Variants in ATRNL1 observed in about 807,000 individuals in gnomAD.
ATRNL1 encodes attractin-like protein 1.
Under a neutral mutation model 182.7 loss-of-function variants are expected in ATRNL1, and 95 were observed. The ratio of observed to expected loss-of-function variants is 0.52; its 90% confidence interval spans 0.44 to 0.62. The LOEUF (loss-of-function observed/expected upper bound fraction) is 0.62, where lower values mean the gene tolerates loss of function less well. ATRNL1 is among the 20% of genes least tolerant of loss of function. The pLI, the probability that ATRNL1 is intolerant of heterozygous loss-of-function variation, is 0.00. For synonymous variants in ATRNL1, 576 were observed against 568.3 expected (o/e 1.01, Z -0.19); for missense variants, 1,471 against 1,679.5 (o/e 0.88, Z 2.17).
intron 26 of ATRNL1, among the ~76,000 whole-genome samples, chr10:115,665,822 G>A (rs1185732451): frequency 1.3e-5 from 2 of 152,038 alleles, no homozygotes; most frequent in African/African-American, 2.4e-5. Context: ...CCTATGACTA[G>A]GACTCGATTT....
intron 28 of ATRNL1, among the ~76,000 whole-genome samples, chr10:115,881,649 C>T (rs1200376827): frequency 6.6e-6 from 1 of 152,158 alleles, no homozygotes; most frequent in Non-Finnish European, 1.5e-5. Flanking sequence ...CAGAGCCCTG[C>T]CATATGCTGG....
chr10:115,267,718 T>C (rs1449049318), intron 12 of ATRNL1, among the ~76,000 whole-genome samples: 1 of 152,164 alleles, frequency 6.6e-6, no homozygotes, highest in Non-Finnish European at 1.5e-5. Context: ...TAATACACTT[T>C]GTTCAGTAAA....
At chr10:115,356,663 T>C (rs781956667) in intron 19 of ATRNL1, among the ~76,000 whole-genome samples, 2 of 151,922 alleles carry the variant, frequency 1.3e-5, no homozygotes, top group Non-Finnish European at 2.9e-5. Flanking sequence ...AACTTTGCCA[T>C]GGCTTTATCA....
Position 115,253,640 on chromosome 10 carries a change from G to A in ATRNL1, c.1688-11553G>A, listed in dbSNP as rs149680437. Among the ~76,000 whole-genome samples the A allele has an allele frequency of 2.1e-3, 322 of 152,068 alleles. 1 individual carries two copies. The highest frequency in any genetic ancestry group is 7.2e-3 in the African/African-American group (297 of 41,468). On this transcript the variant is annotated intron_variant, in intron 10 of 28. Transcript: ENST00000355044. Reference sequence around the variant, plus strand: ...ATGCTTTAAGTTCTAGGGTACATGCGCATAATGTGCAGGTTTGATACATAG... The same window carrying A: ...ATGCTTTAAGTTCTAGGGTACATGCACATAATGTGCAGGTTTGATACATAG...
At chr10:115,339,211 G>A (rs1592482075) in intron 19 of ATRNL1, among the ~76,000 whole-genome samples, 1 of 152,068 alleles carries the variant, frequency 6.6e-6, no homozygotes, top group East Asian at 1.9e-4. Context: ...GTCTTTTGTG[G>A]TTCCATATAT....
intron 24 of ATRNL1, among the ~76,000 whole-genome samples, chr10:115,513,941 G>A (rs1554983269): frequency 1.3e-5 from 2 of 151,894 alleles, no homozygotes; most frequent in African/African-American, 4.8e-5. Flanking sequence ...TTACTCTTGA[G>A]TGCCATTTAT....
At chr10:115,903,092 C>G (rs1952402300) in intron 28 of ATRNL1, among the ~76,000 whole-genome samples, 1 of 152,140 alleles carries the variant, frequency 6.6e-6, no homozygotes, top group Non-Finnish European at 1.5e-5. Flanking sequence ...TGTACATAAT[C>G]TGACACACAC....
chr10:115,548,152 T>C (rs1176361531), intron 25 of ATRNL1, among the ~76,000 whole-genome samples: 2 of 152,220 alleles, frequency 1.3e-5, no homozygotes, highest in Non-Finnish European at 2.9e-5. Context: ...CTCTGAGGAC[T>C]GGATTCCTCT....
intron 28 of ATRNL1, among the ~76,000 whole-genome samples, chr10:115,863,694 G>A (rs782163676): frequency 9.9e-5 from 15 of 152,178 alleles, no homozygotes; most frequent in Non-Finnish European, 2.9e-5. Context: ...GCTGCCTGCT[G>A]AGAGGTCCTA....
intron 19 of ATRNL1, among the ~76,000 whole-genome samples, chr10:115,368,231 G>T (rs146729339): frequency 1.3e-5 from 2 of 152,296 alleles, no homozygotes. Context: ...CTCGCGGTGC[G>T]CCGTTTTTTA....
chr10:115,323,071 T>G (rs948193712), intron 18 of ATRNL1, among the ~76,000 whole-genome samples: 29 of 152,224 alleles, frequency 1.9e-4, no homozygotes, highest in African/African-American at 5.5e-4. Context: ...TAATTTTTAT[T>G]TTCTTTTCTC....
chr10:115,612,691 T>A (rs1263225654), intron 26 of ATRNL1, among the ~76,000 whole-genome samples: 1 of 152,228 alleles, frequency 6.6e-6, no homozygotes, highest in Non-Finnish European at 1.5e-5. Flanking sequence ...GAAAAGTCCT[T>A]GGCAAAAGTT....
chr10:115,778,208 A>G (rs1418482519), intron 27 of ATRNL1, among the ~76,000 whole-genome samples: 1 of 152,198 alleles, frequency 6.6e-6, no homozygotes, highest in African/African-American at 2.4e-5. Flanking sequence ...GCTGAGGGTT[A>G]CTATGAATGA....
At chr10:115,406,920 T>C (rs1448846737) in intron 20 of ATRNL1, among the ~76,000 whole-genome samples, 1 of 152,150 alleles carries the variant, frequency 6.6e-6, no homozygotes, top group Non-Finnish European at 1.5e-5. Flanking sequence ...TGTTTAAAAA[T>C]TCTTTCTGTT....
Position 115,566,622 on chromosome 10 carries a change from T to C in ATRNL1, c.3795+17086T>C, listed in dbSNP as rs142916035. ...ATATTTTAGGAATCTGAGTGGAGTATGTAAGAAAGCTAAATTATAACCTCT... is the reference window on the plus strand; with the variant it reads ...ATATTTTAGGAATCTGAGTGGAGTACGTAAGAAAGCTAAATTATAACCTCT... On this transcript the variant is annotated intron_variant, in intron 26 of 28. Transcript: ENST00000355044. Among the ~76,000 whole-genome samples, 1,136 of 152,248 alleles carry C rather than the reference T, an allele frequency of 7.5e-3. 4 individuals carry two copies. Among genetic ancestry groups the C allele is most frequent in the Middle Eastern group, 0.017 (5 of 294 alleles).
chr10:115,866,331 C>T (rs1005967729), intron 28 of ATRNL1, among the ~76,000 whole-genome samples: 1 of 152,148 alleles, frequency 6.6e-6, no homozygotes, highest in Non-Finnish European at 1.5e-5. Context: ...TTAGAAAATA[C>T]ATTCAAGTAG....
chr10:115,865,965 T>A (rs1951431965), intron 28 of ATRNL1, among the ~76,000 whole-genome samples: 1 of 152,186 alleles, frequency 6.6e-6, no homozygotes, highest in Non-Finnish European at 1.5e-5. Context: ...GACTTTTAAA[T>A]AGTTTGTGGA....
rs1304923521 is a variant in ATRNL1 at position 115,394,672 on chromosome 10, T to C, written c.3189T>C (p.Ser1063=). Residue 1063 remains serine, a synonymous_variant, in exon 20 of 29, where the codon AGT becomes AGC. Transcript: ENST00000355044. ...NGGQCTACTC[S]GHANICHLHT... ...TTTGACTTACAGCTTGTACATGCAG[T>C]GGCCATGCAAATATCTGTCATCTGC... 6.2e-7 allele frequency: 1 copy of C among 1,611,672 alleles called. No individual in the cohort carries two copies. The highest frequency in any genetic ancestry group is 1.3e-5 in the African/African-American group (1 of 74,806).
At chr10:115,630,718 T>C (rs566468295) in intron 26 of ATRNL1, among the ~76,000 whole-genome samples, 38 of 147,742 alleles carry the variant, frequency 2.6e-4, no homozygotes, top group African/African-American at 9.1e-4. Context: ...ATTGAATAGA[T>C]ATTTAATAGA....
Sources: gnomAD v4.1 joint callset for allele counts (sites outside exome capture counted in the v4.1 genomes callset) on GRCh38, gnomAD v4.1.1 for gene constraint, MANE v1.5 for transcripts, NCBI Gene and HGNC (gene_info 2026-07-23, HGNC 2026-07-21) for gene names.